GRAMD1B: variants seen among roughly 807,000 people sequenced by gnomAD.
The protein encoded by GRAMD1B is protein Aster-B.
A neutral mutation model predicts 99.7 loss-of-function variants in GRAMD1B; 37 were observed. The ratio of observed to expected loss-of-function variants is 0.37; its 90% CI spans 0.29 to 0.49. The LOEUF is 0.49. Among genes scored for constraint, GRAMD1B ranks in the 20% least tolerant of loss-of-function variants. The pLI is 0.98. For synonymous variants in GRAMD1B, 427 were observed against 387.6 expected (o/e 1.10, Z -1.19); for missense variants, 888 against 1,009.2 (o/e 0.88, Z 1.63).
At chr11:123,540,897 A>G (rs1894328) in intron 2 of GRAMD1B, among the ~76,000 whole-genome samples, 2 of 152,186 alleles carry the variant, frequency 1.3e-5, no homozygotes, top group Admixed American at 6.5e-5. Flanking sequence ...ATCTACTTGT[A>G]TTTGACATTG....
intron 19 of GRAMD1B, among the ~76,000 whole-genome samples, chr11:123,622,016 CCT>C (rs928613823): frequency 2.0e-5 from 3 of 147,744 alleles, no homozygotes; most frequent in African/African-American, 7.5e-5. Flanking sequence ...TCCCTTTCCC[CCT>C]CTGTCTCTCT....
chr11:123,589,614 T>TTTTATATATATATATA (rs762751523), intron 4 of GRAMD1B, among the ~76,000 whole-genome samples: 17 of 128,260 alleles, frequency 1.3e-4, no homozygotes, highest in African/African-American at 5.6e-4. Context: ...TGGCTAATTT[T>TTTTATATATATATATA]TATATATATA....
intron 2 of GRAMD1B, among the ~76,000 whole-genome samples, chr11:123,536,279 G>A (rs1292620819): frequency 6.6e-6 from 1 of 152,112 alleles, no homozygotes; most frequent in Non-Finnish European, 1.5e-5. Flanking sequence ...GCTGGGTGTG[G>A]TGGTGCATGC....
At chr11:123,495,110 T>TACACACAC (rs1292402065) in intron 2 of GRAMD1B, among the ~76,000 whole-genome samples, 2 of 96,916 alleles carry the variant, frequency 2.1e-5, no homozygotes, top group Non-Finnish European at 4.0e-5. Context: ...TATGTATATA[T>TACACACAC]ACATACACAC....
intron 2 of GRAMD1B, among the ~76,000 whole-genome samples, chr11:123,493,825 T>A (rs1471051123): frequency 6.6e-6 from 1 of 152,166 alleles, no homozygotes; most frequent in Non-Finnish European, 1.5e-5. Flanking sequence ...GTGCTGTTGG[T>A]GGAGAGGAAG....
intron 2 of GRAMD1B, among the ~76,000 whole-genome samples, chr11:123,497,858 G>A (rs1168949854): frequency 2.1e-5 from 3 of 140,446 alleles, no homozygotes; most frequent in South Asian, 2.2e-4. Context: ...CCAAGATTTC[G>A]CCACCACTCC....
chr11:123,588,389 C>T (rs981158824), intron 4 of GRAMD1B, among the ~76,000 whole-genome samples: 6 of 152,176 alleles, frequency 3.9e-5, no homozygotes, highest in Admixed American at 6.5e-5. Context: ...AAGCCTTCTG[C>T]GTACGGGACT....
intron 2 of GRAMD1B, among the ~76,000 whole-genome samples, chr11:123,574,970 C>G (rs1194171172): frequency 6.6e-6 from 1 of 152,152 alleles, no homozygotes; most frequent in East Asian, 1.9e-4. Flanking sequence ...AAGAACAGCA[C>G]AGATGATCAA....
At chr11:123,524,575 A>G (rs1014212102) in intron 2 of GRAMD1B, among the ~76,000 whole-genome samples, 2 of 152,116 alleles carry the variant, frequency 1.3e-5, no homozygotes, top group African/African-American at 4.8e-5. Flanking sequence ...TCCTGACCTC[A>G]AGGGATCCGC....
At chr11:123,486,560 A>AG (rs1937804445) in intron 2 of GRAMD1B, among the ~76,000 whole-genome samples, 1 of 145,672 alleles carries the variant, frequency 6.9e-6, no homozygotes, top group South Asian at 2.1e-4. Flanking sequence ...AAAAGAAAAA[A>AG]AAAAAAAAAC....
At chr11:123,621,261 T>C (rs553298756) in intron 19 of GRAMD1B, among the ~76,000 whole-genome samples, 3 of 152,306 alleles carry the variant, frequency 2.0e-5, no homozygotes, top group African/African-American at 7.2e-5. Flanking sequence ...AATACAGCAG[T>C]TTACCCAGAG....
rs1460856709 is a variant in GRAMD1B at position 123,559,606 on chromosome 11, C to T, written c.453-17761C>T. On this transcript the variant is annotated intron_variant, in intron 2 of 19. Coordinates refer to ENST00000635736, the MANE Select transcript of GRAMD1B (RefSeq NM_001387025.1). The stretch of plus-strand genomic sequence containing the variant: ...CTGTCTGAGTACTAATACTGCATTT[C>T]GGTGAATGGACAGAGAAAAAAAAAA... The T allele has an allele frequency of 5.5e-6, 5 of 912,820 alleles. No homozygotes were observed. The East Asian group carries it at 3.5e-4, about 65-fold the overall frequency. 56.5% of individuals were successfully genotyped at this position (912,820 alleles called of 1,614,324 possible). A position where few individuals can be genotyped will look rare whatever the true frequency, so the allele number is the denominator to read the frequency against.
intron 2 of GRAMD1B, among the ~76,000 whole-genome samples, chr11:123,542,181 C>T (rs991311355): frequency 3.4e-4 from 51 of 152,088 alleles, no homozygotes; most frequent in African/African-American, 1.2e-3. Flanking sequence ...TATAGTGCAC[C>T]GAGTGGCACA....
At chr11:123,548,037 G>A (rs1945187712) in intron 2 of GRAMD1B, among the ~76,000 whole-genome samples, 1 of 151,862 alleles carries the variant, frequency 6.6e-6, no homozygotes, top group Admixed American at 6.6e-5. Context: ...TGGGGTGGGT[G>A]CACAGCTGCA....
Position 123,591,541 on chromosome 11 carries a change from CGTGA to C in GRAMD1B, c.685-2537_685-2534del. 5.0e-6 allele frequency: 2 copies of C among 398,830 alleles called. No homozygotes were observed. The highest frequency in any genetic ancestry group is 8.8e-6 in the Non-Finnish European group (2 of 226,064). The allele number at this position is 398,830 out of a possible 1,614,324, so 24.7% of individuals were successfully genotyped here. A position where few individuals can be genotyped will look rare whatever the true frequency, so the allele number is the denominator to read the frequency against. On this transcript the variant is annotated intron_variant, in intron 4 of 19. Coordinates refer to ENST00000635736, the MANE Select transcript of GRAMD1B (RefSeq NM_001387025.1). The surrounding 1 kb of genome is among the most constrained non-coding windows in gnomAD (Gnocchi z 4.7). The stretch of plus-strand genomic sequence containing the variant: ...GGCACGGATCTGAGGAAATCCCAGC[CGTGA>C]GTGTGTGACTCAGTTTCTCTGAGTC...
chr11:123,562,623 G>T (rs904967657), intron 2 of GRAMD1B, among the ~76,000 whole-genome samples: 4 of 152,052 alleles, frequency 2.6e-5, no homozygotes, highest in Non-Finnish European at 4.4e-5. Context: ...CACTATTCTT[G>T]CGTCCAGATA....
Position 123,577,392 on chromosome 11 carries a change from A to G in GRAMD1B, c.478A>G (p.Thr160Ala), listed in dbSNP as rs748868785. ...ESTASNSNRS[T>A]PACSPILRKR... ...CACTGCCAGTAACTCCAACCGCAGC[A>G]CGCCGGCCTGCTCGCCCATCCTCCG... is the stretch of plus-strand genomic sequence containing the variant. The change falls in exon 3 of 20, where the codon ACG (threonine) becomes GCG (alanine). Residue 160 changes from threonine (T) to alanine (A), a missense_variant. Coordinates refer to ENST00000635736, the MANE Select transcript of GRAMD1B (RefSeq NM_001387025.1). 1 of 1,591,790 alleles carries G rather than the reference A, an allele frequency of 6.3e-7. No individual in the cohort carries two copies. Among genetic ancestry groups the G allele is most frequent in the Non-Finnish European group, 8.5e-7 (1 of 1,169,680 alleles).
chr11:123,505,810 C>T (rs1383501976), intron 2 of GRAMD1B, among the ~76,000 whole-genome samples: 1 of 152,068 alleles, frequency 6.6e-6, no homozygotes, highest in African/African-American at 2.4e-5. Context: ...ACACACTGCC[C>T]TCTTTCTCTT....
intron 3 of GRAMD1B, 74 bp downstream of exon 3, chr11:123,577,651 A>G (rs1336372152): frequency 2.4e-5 from 28 of 1,149,046 alleles, no homozygotes; most frequent in Admixed American, 1.2e-4. Context: ...GGTGAGCCGG[A>G]GAACATCTGC....
Sources: gnomAD v4.1 joint callset for allele counts (sites outside exome capture counted in the v4.1 genomes callset) on GRCh38, gnomAD v4.1.1 for gene constraint, Gnocchi (gnomAD v3.1) non-coding constraint, MANE v1.5 for transcripts, NCBI Gene and HGNC (gene_info 2026-07-23, HGNC 2026-07-21) for gene names.